Variants in SLC36A1 observed in about 807,000 individuals in gnomAD.
The protein encoded by SLC36A1 is proton-coupled amino acid transporter 1.
SLC36A1 carries 30 observed loss-of-function variants against 47.5 expected under a neutral mutation model. The ratio of observed to expected loss-of-function variants is 0.63; its 90% confidence interval spans 0.47 to 0.86. The LOEUF (loss-of-function observed/expected upper bound fraction) is 0.86. SLC36A1 is among the 40% of genes least tolerant of loss of function. The pLI is 0.00. For missense variants in SLC36A1, 517 were observed against 606.0 expected (o/e 0.85, Z 1.54); for synonymous variants, 255 against 249.7 (o/e 1.02, Z -0.20).
At chr5:151,549,897 G>C in the SLC36A1 span, among the ~76,000 whole-genome samples, 1 of 152,180 alleles carries the variant, frequency 6.6e-6, no homozygotes, top group African/African-American at 2.4e-5. Flanking sequence ...TTTCTTTGTT[G>C]CAGGACTTCT....
At chr5:151,542,824 A>C in the SLC36A1 span, 1 of 1,614,228 alleles carries the variant, frequency 6.2e-7, no homozygotes, top group East Asian at 2.2e-5. Context: ...GCAATGTGCC[A>C]TCACATCAAT....
At position 151,491,684 on chromosome 5, in the gene SLC36A1, G is replaced by T. The variant is rs1324691797; in HGVS notation, c.*3430G>T. The stretch of plus-strand genomic sequence containing the variant: ...TATCAGTGGATTTCATTTTGTAGCT[G>T]CTGAGATGTTAAGGCAAGCCTCAGC... On this transcript the variant is annotated 3_prime_UTR_variant, in exon 11 of 11. Transcript: ENST00000243389. 6.6e-6 allele frequency: 1 copy of T among 152,634 alleles called. No homozygotes were observed. The highest frequency in any genetic ancestry group is 1.9e-4 in the East Asian group (1 of 5,200). 9.5% of individuals were successfully genotyped at this position (152,634 alleles called of 1,614,324 possible).
In SLC36A1 at chr5:151,467,297, T is replaced by TAAAA. The variant is rs746469642; in HGVS notation, c.504+17_504+20dup. 2.6e-6 allele frequency: 3 copies of TAAAA among 1,147,890 alleles called. No individual in the cohort carries two copies. The highest frequency in any genetic ancestry group is 3.9e-5 in the South Asian group (2 of 51,900). The allele number at this position is 1,147,890 out of a possible 1,614,324, so 71.1% of individuals were successfully genotyped here. On this transcript the variant is annotated intron_variant, in intron 6 of 10. Transcript: ENST00000243389. ...AACTTTAAACAGGTAGGCACCTGGT[T>TAAAA]AAAAAAGAAAAAAAAAAAAAAAACC...
chr5:151,458,330 ATATGGGATATT>A (rs1561738036), intron 1 of SLC36A1, among the ~76,000 whole-genome samples: 21 of 96,788 alleles, frequency 2.2e-4, no homozygotes, highest in African/African-American at 7.5e-4. Context: ...ATATATATAT[ATATGGGATATT>A]TATATATATA....
At chr5:151,457,441 T>G (rs928162956) in intron 1 of SLC36A1, among the ~76,000 whole-genome samples, 2 of 152,056 alleles carry the variant, frequency 1.3e-5, no homozygotes, top group African/African-American at 4.8e-5. Flanking sequence ...TTAATAGTAT[T>G]CCTGAGTAAA....
chr5:151,389,965 G>C, the SLC36A1 span, among the ~76,000 whole-genome samples: 2 of 152,144 alleles, frequency 1.3e-5, no homozygotes, highest in African/African-American at 4.8e-5. Flanking sequence ...TCTAGTTCTA[G>C]ATCCTTGAGG....
At chr5:151,361,183 A>G in the SLC36A1 span, among the ~76,000 whole-genome samples, 2 of 152,178 alleles carry the variant, frequency 1.3e-5, no homozygotes, top group Non-Finnish European at 2.9e-5. Flanking sequence ...ACTCTCTTCC[A>G]TAGCACTGAC....
the SLC36A1 span, chr5:151,531,828 A>T: frequency 6.2e-7 from 1 of 1,613,612 alleles, no homozygotes. This position sits in a 1 kb window ranked among gnomAD's most constrained non-coding sequence, Gnocchi z 5.7. Context: ...TGCCCAGGTC[A>T]GAGGCACGGA....
the SLC36A1 span, among the ~76,000 whole-genome samples, chr5:151,516,181 T>C: frequency 6.6e-6 from 1 of 152,214 alleles, no homozygotes; most frequent in African/African-American, 2.4e-5. Context: ...ATTATCTCAA[T>C]GAAAGCTTCC....
At chr5:151,440,155 G>A (rs1052932129) in intron 1 of SLC36A1, among the ~76,000 whole-genome samples, 1 of 152,082 alleles carries the variant, frequency 6.6e-6, no homozygotes, top group African/African-American at 2.4e-5. Flanking sequence ...TAACAGTGTA[G>A]CATGCTTTAC....
At chr5:151,363,971 T>C in the SLC36A1 span, among the ~76,000 whole-genome samples, 1 of 152,206 alleles carries the variant, frequency 6.6e-6, no homozygotes, top group Non-Finnish European at 1.5e-5. Flanking sequence ...ACAGGATGTA[T>C]CCACAAAATT....
At chr5:151,378,371 A>C in the SLC36A1 span, 1 of 182,596 alleles carries the variant, frequency 5.5e-6, no homozygotes, top group African/African-American at 2.3e-5. Context: ...GGTCAGCAAA[A>C]TTGGGGTCTT....
the SLC36A1 span, chr5:151,512,028 C>T: frequency 1.4e-6 from 1 of 734,404 alleles, no homozygotes; most frequent in Non-Finnish European, 2.2e-6. This position sits in a 1 kb window ranked among gnomAD's most constrained non-coding sequence, Gnocchi z 4.1. Flanking sequence ...CAGATTCCAA[C>T]CTGTTACTCA....
the SLC36A1 span, chr5:151,505,979 G>T: frequency 4.6e-5 from 72 of 1,573,712 alleles, no homozygotes; most frequent in South Asian, 1.1e-4. Flanking sequence ...TCACGACTGG[G>T]GTTGAGTGGC....
At chr5:151,393,429 A>G in the SLC36A1 span, among the ~76,000 whole-genome samples, 1 of 152,270 alleles carries the variant, frequency 6.6e-6, no homozygotes, top group East Asian at 1.9e-4. Flanking sequence ...TTATGTGTGA[A>G]TTTGATCCTG....
the SLC36A1 span, among the ~76,000 whole-genome samples, chr5:151,351,654 T>C: frequency 6.6e-6 from 1 of 152,106 alleles, no homozygotes; most frequent in Non-Finnish European, 1.5e-5. Context: ...ATAATGACAG[T>C]TATCATCATC....
At chr5:151,454,857 C>T (rs78376727) in intron 1 of SLC36A1, among the ~76,000 whole-genome samples, 1,810 of 152,128 alleles carry the variant, frequency 0.012, 13 homozygotes, top group Middle Eastern at 0.034. Flanking sequence ...GGACTACAGG[C>T]GCCCGCTACC....
the SLC36A1 span, among the ~76,000 whole-genome samples, chr5:151,515,307 A>ATGT: frequency 5.3e-5 from 8 of 152,136 alleles, no homozygotes; most frequent in African/African-American, 1.9e-4. Context: ...AGACCTGCTA[A>ATGT]TGTTGGAGGG....
the SLC36A1 span, among the ~76,000 whole-genome samples, chr5:151,426,266 A>AG: frequency 6.6e-6 from 1 of 152,176 alleles, no homozygotes; most frequent in Non-Finnish European, 1.5e-5. Flanking sequence ...CAGTGGGCCC[A>AG]GGGGACCGGT....
Sources: allele counts gnomAD v4.1 joint callset (sites outside exome capture counted in the v4.1 genomes callset), GRCh38; gene constraint gnomAD v4.1.1; non-coding constraint Gnocchi (gnomAD v3.1); transcripts MANE v1.5; gene names NCBI Gene and HGNC (gene_info 2026-07-23, HGNC 2026-07-21).